The following HECW2 variants were observed in gnomAD, a reference collection of about 807,000 sequenced individuals.
The protein encoded by HECW2 is HECT, C2 and WW domain containing E3 ubiquitin protein ligase 2.
In HECW2, 61 loss-of-function variants were observed where a neutral mutation model predicts 175.2. The observed-to-expected ratio is 0.35, with a 90% confidence interval of 0.28 to 0.43. The LOEUF (loss-of-function observed/expected upper bound fraction) is 0.43, where lower values mean the gene tolerates loss of function less well. Ranked by LOEUF, HECW2 falls within the 20% of genes least tolerant of loss-of-function variation. HECW2 has a pLI of 1.00. For missense variants in HECW2, 1,524 were observed against 2,000.5 expected (o/e 0.76, Z 4.54); for synonymous variants, 671 against 731.0 (o/e 0.92, Z 1.32).
chr2:196,487,507 AATGTGCTG>A (rs1687049528), intron 1 of HECW2, among the ~76,000 whole-genome samples: 1 of 152,078 alleles, frequency 6.6e-6, no homozygotes, highest in South Asian at 2.1e-4. Context: ...CTAATGTTCC[AATGTGCTG>A]ATGTTGAGAC....
intron 1 of HECW2, among the ~76,000 whole-genome samples, chr2:196,526,798 G>T (rs1268427318): frequency 6.6e-6 from 1 of 152,118 alleles, no homozygotes; most frequent in East Asian, 1.9e-4. Context: ...TCGGGGGTCA[G>T]GGGTCAGGGA....
intron 17 of HECW2, among the ~76,000 whole-genome samples, 181 bp downstream of exon 17, chr2:196,271,012 T>G (rs1689714181): frequency 6.6e-6 from 1 of 152,094 alleles, no homozygotes; most frequent in Admixed American, 6.5e-5. Context: ...TCAACTTTTA[T>G]ACTTAATAGA....
chr2:196,440,251 A>G (rs1046786643), intron 1 of HECW2, among the ~76,000 whole-genome samples: 1 of 152,176 alleles, frequency 6.6e-6, no homozygotes, highest in Non-Finnish European at 1.5e-5. Context: ...TATATCCCTA[A>G]AAGTCTTATT....
intron 2 of HECW2, among the ~76,000 whole-genome samples, chr2:196,382,885 C>A (rs11899915): frequency 0.26 from 38,769 of 152,024 alleles, 6,354 homozygotes; most frequent in African/African-American, 0.47. Flanking sequence ...AAGTAGCTTT[C>A]ATTTTATTCT....
chr2:196,468,406 AC>A (rs777379592), intron 1 of HECW2, among the ~76,000 whole-genome samples: 7 of 151,996 alleles, frequency 4.6e-5, no homozygotes, highest in Non-Finnish European at 7.4e-5. Flanking sequence ...ACACCCACCC[AC>A]CCCTACGCTT....
intron 1 of HECW2, among the ~76,000 whole-genome samples, chr2:196,445,488 C>T (rs1696156748): frequency 6.6e-6 from 1 of 152,098 alleles, no homozygotes; most frequent in Admixed American, 6.5e-5. Context: ...TTGTGTGTCA[C>T]TAGAATTAGC....
At chr2:196,225,030 G>A (rs980887468) in intron 23 of HECW2, among the ~76,000 whole-genome samples, 4 of 152,204 alleles carry the variant, frequency 2.6e-5, no homozygotes, top group African/African-American at 9.7e-5. Context: ...TAGGGTATGA[G>A]CTGGACAGAG....
In HECW2 at chr2:196,197,394, C is replaced by G. The variant is rs1471217975; in HGVS notation, c.*3883G>C. On this transcript the variant is annotated 3_prime_UTR_variant, in exon 29 of 29. Transcript: ENST00000644978. ...AAAATTTAAAAATAAAATAAGGCTT[C>G]TGATTAATGTTTTCCATTATCTTGT... 1 of 151,120 alleles carries G rather than the reference C, an allele frequency of 6.6e-6. No individual in the cohort carries two copies. The highest frequency in any genetic ancestry group is 6.6e-5 in the Admixed American group (1 of 15,090). 9.4% of individuals were successfully genotyped at this position (151,120 alleles called of 1,614,324 possible).
intron 10 of HECW2, among the ~76,000 whole-genome samples, chr2:196,315,149 AGTGTGTGTGTGTGTGTGTGTGT>A (rs58473650): frequency 6.9e-6 from 1 of 144,822 alleles, no homozygotes; most frequent in African/African-American, 2.6e-5. Context: ...CGAGTGTATG[AGTGTGTGTGTGTGTGTGTGTGT>A]GTGTGTGTGT....
At chr2:196,328,145 G>T (rs537845135) in intron 5 of HECW2, among the ~76,000 whole-genome samples, 2 of 152,132 alleles carry the variant, frequency 1.3e-5, no homozygotes, top group South Asian at 2.1e-4. Context: ...TGAGCTATCA[G>T]GGTCGACAAA....
chr2:196,209,089 G>A (rs903881981), intron 28 of HECW2, among the ~76,000 whole-genome samples: 1 of 152,228 alleles, frequency 6.6e-6, no homozygotes, highest in Non-Finnish European at 1.5e-5. Context: ...CCAAGGAAAA[G>A]TGGGTAAGCA....
In HECW2 at chr2:196,318,895, G is replaced by A. The variant is rs367718720; in HGVS notation, c.1995C>T (p.Ser665=). 2.0e-5 allele frequency: 31 copies of A among 1,566,774 alleles called. No individual in the cohort carries two copies. Among genetic ancestry groups the A allele is most frequent in the Non-Finnish European group, 2.2e-5 (25 of 1,155,912 alleles). The change falls in exon 9 of 29, where the codon AGC becomes AGT. Residue 665 remains serine (S), a synonymous_variant. Transcript: ENST00000644978. ...SVDTRCSSLE[S]ARFPETPAFS... ...AGGCTGGGGTTTCAGGAAACCGTGC[G>A]CTCTCAAGAGAGGAGCACCGTGTGT...
At chr2:196,291,066 A>G (rs144120651) in intron 14 of HECW2, 89 of 152,216 alleles carry the variant, frequency 5.8e-4, no homozygotes, top group African/African-American at 2.0e-3. Context: ...CATTTTGACT[A>G]CTCATAGATT....
intron 2 of HECW2, among the ~76,000 whole-genome samples, chr2:196,406,928 T>C (rs1223706796): frequency 6.6e-6 from 1 of 152,258 alleles, no homozygotes; most frequent in African/African-American, 2.4e-5. Context: ...TTGTACTTAC[T>C]TGAAATACTA....
intron 2 of HECW2, among the ~76,000 whole-genome samples, chr2:196,426,525 C>A (rs1695552284): frequency 6.6e-6 from 1 of 151,102 alleles, no homozygotes; most frequent in South Asian, 2.1e-4. Context: ...TTTAATATAC[C>A]TGTTGGACAT....
At chr2:196,226,565 G>C (rs1196438064) in intron 22 of HECW2, among the ~76,000 whole-genome samples, 1 of 152,142 alleles carries the variant, frequency 6.6e-6, no homozygotes, top group Non-Finnish European at 1.5e-5. Flanking sequence ...CCACATTCAT[G>C]AATCCCCTGT....
At chr2:196,367,860 GTGTGTGTGTGTGTGTT>G (rs1347903437) in intron 2 of HECW2, among the ~76,000 whole-genome samples, 15 of 151,384 alleles carry the variant, frequency 9.9e-5, no homozygotes, top group African/African-American at 3.6e-4. Flanking sequence ...TCCATTGTGT[GTGTGTGTGTGTGTGTT>G]TGTGTGTGTG....
At chr2:196,537,554 C>G (rs1015226492) in intron 1 of HECW2, among the ~76,000 whole-genome samples, 3 of 152,118 alleles carry the variant, frequency 2.0e-5, no homozygotes, top group African/African-American at 7.2e-5. Context: ...ACAGGAGAAG[C>G]TGAGGTGTGG....
chr2:196,296,285 C>G (rs1035801808), intron 13 of HECW2, among the ~76,000 whole-genome samples: 1 of 152,152 alleles, frequency 6.6e-6, no homozygotes, highest in African/African-American at 2.4e-5. Context: ...ACTACTTAAT[C>G]TCTGTCTCAA....
Sources: allele counts gnomAD v4.1 joint callset (sites outside exome capture counted in the v4.1 genomes callset), GRCh38; gene constraint gnomAD v4.1.1; transcripts MANE v1.5; gene names NCBI Gene and HGNC (gene_info 2026-07-23, HGNC 2026-07-21).